Variants in GALNT2 observed in about 807,000 individuals in gnomAD.
The protein encoded by GALNT2 is polypeptide N-acetylgalactosaminyltransferase 2.
Under a neutral mutation model 81.4 loss-of-function variants are expected in GALNT2, and 31 were observed. That is an observed-to-expected ratio of 0.38 (90% CI 0.29 to 0.51). GALNT2 has a LOEUF of 0.51. GALNT2 is among the 20% of genes least tolerant of loss of function. The pLI is 0.87. For missense variants in GALNT2, 629 were observed against 765.7 expected (o/e 0.82, Z 2.11); for synonymous variants, 303 against 287.4 (o/e 1.05, Z -0.55).
At chr1:230,219,044 C>G (rs1411119643) in intron 3 of GALNT2, among the ~76,000 whole-genome samples, 1 of 152,172 alleles carries the variant, frequency 6.6e-6, no homozygotes, top group Non-Finnish European at 1.5e-5. Flanking sequence ...CAGTTTCATC[C>G]CAAACCATCT....
At chr1:230,106,350 A>C (rs895515213) in intron 1 of GALNT2, among the ~76,000 whole-genome samples, 1 of 152,218 alleles carries the variant, frequency 6.6e-6, no homozygotes, top group South Asian at 2.1e-4. Flanking sequence ...GCCTGCTTCC[A>C]GGAGCCATGC....
chr1:230,137,912 A>T (rs964438189), intron 1 of GALNT2, among the ~76,000 whole-genome samples: 12 of 152,216 alleles, frequency 7.9e-5, no homozygotes, highest in African/African-American at 2.7e-4. Flanking sequence ...TTTAAACAGC[A>T]TTATTATCGT....
At chr1:230,166,655 C>T (rs1662614791) in intron 1 of GALNT2, among the ~76,000 whole-genome samples, 1 of 152,228 alleles carries the variant, frequency 6.6e-6, no homozygotes, top group African/African-American at 2.4e-5. Flanking sequence ...TCTCTGCCAT[C>T]TGCTGTCTCC....
At chr1:230,190,102 T>TG (rs1304105282) in intron 2 of GALNT2, among the ~76,000 whole-genome samples, 5 of 152,384 alleles carry the variant, frequency 3.3e-5, no homozygotes, top group African/African-American at 9.6e-5. Context: ...CACAGTGTTG[T>TG]CATAAGGAAA....
intron 3 of GALNT2, among the ~76,000 whole-genome samples, chr1:230,230,890 TA>T (rs548711461): frequency 3.2e-4 from 49 of 152,320 alleles, no homozygotes; most frequent in African/African-American, 1.2e-3. Flanking sequence ...GGCTATCTCA[TA>T]AGAAGTGTGG....
intron 3 of GALNT2, among the ~76,000 whole-genome samples, chr1:230,214,379 T>A (rs1034455910): frequency 2.1e-4 from 32 of 152,230 alleles, no homozygotes; most frequent in Admixed American, 1.8e-3. Flanking sequence ...CCCAAAGTGC[T>A]GGGATTACAG....
chr1:230,217,731 G>A (rs1343049352), intron 3 of GALNT2, among the ~76,000 whole-genome samples: 1 of 152,208 alleles, frequency 6.6e-6, no homozygotes, highest in African/African-American at 2.4e-5. Flanking sequence ...GGATCTTCCA[G>A]AGGGGACAAA....
chr1:230,058,057 C>A (rs751902548), exon 1 of GALNT2: 18 of 456,112 alleles, frequency 3.9e-5, no homozygotes, highest in South Asian at 2.3e-4. Flanking sequence ...GCAAGGTGCC[C>A]GTAGCCCCTA....
intron 2 of GALNT2, among the ~76,000 whole-genome samples, chr1:230,195,946 A>G (rs949880920): frequency 6.6e-6 from 1 of 152,130 alleles, no homozygotes; most frequent in Non-Finnish European, 1.5e-5. Flanking sequence ...CAGGGGGCAG[A>G]TGTGCACTAG....
At chr1:230,144,174 C>T (rs770311804) in intron 1 of GALNT2, among the ~76,000 whole-genome samples, 2 of 152,176 alleles carry the variant, frequency 1.3e-5, no homozygotes, top group Non-Finnish European at 2.9e-5. Flanking sequence ...GCCTTCTGGG[C>T]CACATGTCAA....
At chr1:230,079,622 G>C (rs1659668005) in intron 1 of GALNT2, among the ~76,000 whole-genome samples, 1 of 152,238 alleles carries the variant, frequency 6.6e-6, no homozygotes, top group Non-Finnish European at 1.5e-5. Context: ...GCAGCTTCAG[G>C]CTTGGAAGGT....
In GALNT2 at chr1:230,133,158, A is replaced by G. The variant is rs142825976; in HGVS notation, c.127-45060A>G. On this transcript the variant is annotated intron_variant, in intron 1 of 15. Coordinates refer to ENST00000366672, the MANE Select transcript of GALNT2 (RefSeq NM_004481.5). Reference sequence around the variant, plus strand: ...TTGTATGGATATGTCCAATCTACCTAGCTAGTTTGGTTTTGTAACTTATGA... The same window carrying G: ...TTGTATGGATATGTCCAATCTACCTGGCTAGTTTGGTTTTGTAACTTATGA... Among the ~76,000 whole-genome samples the G allele has an allele frequency of 1.3e-4, 20 of 152,318 alleles. No individual in the cohort carries two copies. In the East Asian group the frequency reaches 3.9e-3, roughly 29 times the overall value.
intron 2 of GALNT2, among the ~76,000 whole-genome samples, chr1:230,186,770 A>G (rs1214142063): frequency 6.6e-6 from 1 of 152,236 alleles, no homozygotes; most frequent in African/African-American, 2.4e-5. Context: ...AGAGATCAGA[A>G]TGTACTGATT....
chr1:230,197,038 T>A (rs189937883), intron 2 of GALNT2, among the ~76,000 whole-genome samples: 1 of 152,222 alleles, frequency 6.6e-6, no homozygotes, highest in African/African-American at 2.4e-5. Context: ...CATTTTGTAG[T>A]GGGCTGTGTC....
At chr1:230,093,525 C>G (rs1199589484) in intron 1 of GALNT2, among the ~76,000 whole-genome samples, 1 of 152,198 alleles carries the variant, frequency 6.6e-6, no homozygotes, top group Non-Finnish European at 1.5e-5. Context: ...GGGCTTCCTG[C>G]TGCTTCACTC....
intron 14 of GALNT2, among the ~76,000 whole-genome samples, chr1:230,265,921 G>A (rs1315808228): frequency 4.6e-5 from 7 of 152,236 alleles, no homozygotes; most frequent in African/African-American, 1.2e-4. Context: ...GCCAGGCGCC[G>A]TGGCGCACGC....
chr1:230,083,302 C>T (rs1298433480), intron 1 of GALNT2, among the ~76,000 whole-genome samples: 1 of 134,370 alleles, frequency 7.4e-6, no homozygotes, highest in Non-Finnish European at 1.6e-5. Context: ...AGCAGGCAGC[C>T]AGGATGATGG....
intron 1 of GALNT2, among the ~76,000 whole-genome samples, chr1:230,147,946 G>A (rs1558109389): frequency 6.6e-6 from 1 of 152,172 alleles, no homozygotes; most frequent in Admixed American, 6.5e-5. Flanking sequence ...ACACCTTCAG[G>A]GCAAACGCTC....
At chr1:230,111,623 A>G (rs1187870058) in intron 1 of GALNT2, among the ~76,000 whole-genome samples, 1 of 152,228 alleles carries the variant, frequency 6.6e-6, no homozygotes, top group Admixed American at 6.5e-5. Context: ...CCCAGAGCCG[A>G]TACTTGAACA....
Sources: gnomAD v4.1 joint callset for allele counts (sites outside exome capture counted in the v4.1 genomes callset) on GRCh38, gnomAD v4.1.1 for gene constraint, MANE v1.5 for transcripts, NCBI Gene and HGNC (gene_info 2026-07-23, HGNC 2026-07-21) for gene names.